DERPC: variants seen among roughly 807,000 people sequenced by gnomAD.
The protein encoded by DERPC is DERPC proline and glycine rich nuclear protein, also known as decreased expression in renal and prostate cancer protein.
Under a neutral mutation model 7.2 loss-of-function variants are expected in DERPC, and 1 was observed. The ratio of observed to expected loss-of-function variants is 0.14; its 90% CI spans 0.05 to 0.66. The LOEUF is 0.66. Among genes scored for constraint, DERPC ranks in the 30% least tolerant of loss-of-function variants. The pLI is 0.84. For missense variants in DERPC, 502 were observed against 299.4 expected, an observed-to-expected ratio of 1.68 and a Z score of -4.99; for synonymous variants, 185 against 117.6, an observed-to-expected ratio of 1.57 and a Z score of -3.71.
intron 1 of DERPC, among the ~76,000 whole-genome samples, chr16:69,126,772 T>G (rs1369859713): frequency 6.6e-6 from 1 of 152,188 alleles, no homozygotes. Context: ...AAATTCTACT[T>G]TAGCACCTTA....
intron 1 of DERPC, among the ~76,000 whole-genome samples, chr16:69,129,683 C>G (rs571255138): frequency 6.6e-6 from 1 of 152,264 alleles, no homozygotes; most frequent in Admixed American, 6.5e-5. Context: ...AACCCTAACC[C>G]CTCCACAATC....
Position 69,119,151 on chromosome 16 carries a change from G to C in DERPC, c.1278C>G (p.Thr426=). The C allele has an allele frequency of 1.4e-6, 1 of 703,040 alleles. No individual in the cohort carries two copies. The highest frequency in any genetic ancestry group is 2.0e-5 in the Admixed American group (1 of 50,030). 43.6% of individuals were successfully genotyped at this position (703,040 alleles called of 1,614,324 possible). A position where few individuals can be genotyped will look rare whatever the true frequency, so the allele number is the denominator to read the frequency against. Residue 426 remains threonine, a synonymous_variant, in exon 3 of 3, where the codon ACC becomes ACG. Transcript: ENST00000519520. The part of the protein sequence containing the change: ...ATGLQGPSPT[T]FPRSTGPLGP... Reference sequence around the variant, plus strand: ...CTAATGGGCCAGTAGACCTTGGGAAGGTAGTTGGACTTGGACCCTGCAGGC... The same window carrying C: ...CTAATGGGCCAGTAGACCTTGGGAACGTAGTTGGACTTGGACCCTGCAGGC...
intron 1 of DERPC, among the ~76,000 whole-genome samples, chr16:69,126,770 C>G (rs1962088791): frequency 1.3e-5 from 2 of 152,156 alleles, no homozygotes; most frequent in African/African-American, 4.8e-5. Context: ...TAAAATTCTA[C>G]TTTAGCACCT....
At chr16:69,128,983 G>A (rs904327823) in intron 1 of DERPC, among the ~76,000 whole-genome samples, 24 of 152,196 alleles carry the variant, frequency 1.6e-4, no homozygotes, top group Admixed American at 1.4e-3. Context: ...AAAATCGCTT[G>A]ATCCTGGGAG....
intron 1 of DERPC, among the ~76,000 whole-genome samples, chr16:69,125,474 C>T (rs1054502168): frequency 6.6e-6 from 1 of 152,156 alleles, no homozygotes; most frequent in African/African-American, 2.4e-5. Context: ...AATCACTACA[C>T]AATTCTGCCT....
intron 1 of DERPC, among the ~76,000 whole-genome samples, chr16:69,122,886 C>T (rs933284498): frequency 6.6e-6 from 1 of 151,860 alleles, no homozygotes; most frequent in Non-Finnish European, 1.5e-5. Context: ...ACCATGTTAG[C>T]CAGGCTGGTC....
chr16:69,120,063 G>C lies in DERPC; in HGVS notation c.366C>G (p.Gly122=), dbSNP rs761382384. The change falls in exon 3 of 3, where the codon GGC becomes GGG. Residue 122 remains glycine (G), a synonymous_variant. Coordinates refer to ENST00000519520, the MANE Select transcript of DERPC (RefSeq NM_001002847.4). This position sits in a 1 kb window ranked among gnomAD's most constrained non-coding sequence, Gnocchi z 4.0. ...GGTTTAGGGTGGGGCCTGGGCCTGG[G>C]CCTGGCCCCAAGAGGCCACCAGGCC... ...FPRPGGLLGP[G]PGPGPTLNPR... 7.2e-6 allele frequency: 5 copies of C among 691,010 alleles called. No homozygotes were observed. In the East Asian group the frequency reaches 8.1e-5, roughly 11 times the overall value. The allele number at this position is 691,010 out of a possible 1,614,324, so 42.8% of individuals were successfully genotyped here. A position where few individuals can be genotyped will look rare whatever the true frequency, so the allele number is the denominator to read the frequency against.
At position 69,120,372 on chromosome 16, in the gene DERPC, C is replaced by G; in HGVS notation, c.57G>C (p.Pro19=). ...RERPTPWTRA[P]LPPRGRLDGS... Reference sequence around the variant, plus strand: ...CGTCGAGCCGTCCTCGAGGTGGCAGCGGAGCACGAGTCCAAGGAGTTGGCC... The same window carrying G: ...CGTCGAGCCGTCCTCGAGGTGGCAGGGGAGCACGAGTCCAAGGAGTTGGCC... The change falls in exon 3 of 3, where the codon CCG becomes CCC. Residue 19 remains proline (P), a synonymous_variant. Coordinates refer to ENST00000519520, the MANE Select transcript of DERPC (RefSeq NM_001002847.4). The surrounding 1 kb of genome is among the most constrained non-coding windows in gnomAD (Gnocchi z 4.0). 1 of 1,570,778 alleles carries G rather than the reference C, an allele frequency of 6.4e-7. No homozygotes were observed.
Position 69,119,201 on chromosome 16 carries a change from G to T in DERPC, c.1228C>A (p.Pro410Thr), listed in dbSNP as rs1215313039. 1.3e-5 allele frequency: 9 copies of T among 703,044 alleles called. No individual in the cohort carries two copies. The highest frequency in any genetic ancestry group is 2.3e-5 in the Non-Finnish European group (9 of 385,014). The allele number at this position is 703,044 out of a possible 1,614,324, so 43.6% of individuals were successfully genotyped here. A position where few individuals can be genotyped will look rare whatever the true frequency, so the allele number is the denominator to read the frequency against. Residue 410 changes from proline (P) to threonine (T), a missense_variant, in exon 3 of 3, where the codon CCA becomes ACA. Physicochemically the swap from Pro to Thr is conservative, Grantham distance 38. Coordinates refer to ENST00000519520, the MANE Select transcript of DERPC (RefSeq NM_001002847.4). The stretch of plus-strand genomic sequence containing the variant: ...CCAGTGGCCCTTGGGAAGTTAGCTG[G>T]GTTGGGGCCAAGTGGCCCAGAGGCT... ...PRASGPLGPN[P>T]ANFPRATGLQ...
Position 69,119,225 on chromosome 16 carries a change from C to T in DERPC, c.1204G>A (p.Ala402Thr), listed in dbSNP as rs1961421829. ...QGSNPTIFPR[A>T]SGPLGPNPAN... ...GGGTTGGGGCCAAGTGGCCCAGAGG[C>T]TCTTGGGAAAATGGTTGGATTTGAG... Residue 402 changes from alanine to threonine, a missense_variant, in exon 3 of 3, where the codon GCC becomes ACC. Transcript: ENST00000519520. 8.5e-6 allele frequency: 6 copies of T among 702,976 alleles called. No individual in the cohort carries two copies. The highest frequency in any genetic ancestry group is 3.0e-5 in the South Asian group (2 of 67,590). The allele number at this position is 702,976 out of a possible 1,614,324, so 43.5% of individuals were successfully genotyped here. A position where few individuals can be genotyped will look rare whatever the true frequency, so the allele number is the denominator to read the frequency against.
chr16:69,119,553 G>C lies in DERPC; in HGVS notation c.876C>G (p.Phe292Leu), dbSNP rs1236156969. ...AGLLGANSASFSQASGNMGTS... is the reference protein window; with the variant it reads ...AGLLGANSASLSQASGNMGTS... ...TGCCCATGTTTCCAGAAGCCTGTGA[G>C]AAAGAAGCTGAATTTGCTCCTAAAA... Residue 292 changes from phenylalanine (F) to leucine (L), a missense_variant, in exon 3 of 3, where the codon TTC becomes TTG. Transcript: ENST00000519520. 4 of 702,792 alleles carry C rather than the reference G, an allele frequency of 5.7e-6. No individual in the cohort carries two copies. Among genetic ancestry groups the C allele is most frequent in the Non-Finnish European group, 1.0e-5 (4 of 384,926 alleles). The allele number at this position is 702,792 out of a possible 1,614,324, so 43.5% of individuals were successfully genotyped here.
chr16:69,127,457 G>C (rs190039211), intron 1 of DERPC, among the ~76,000 whole-genome samples: 157 of 152,172 alleles, frequency 1.0e-3, no homozygotes, highest in Non-Finnish European at 1.7e-3. Context: ...GACGACTAGA[G>C]CAATTTCTAG....
At chr16:69,130,075 T>C (rs528269100) in intron 1 of DERPC, among the ~76,000 whole-genome samples, 2 of 152,364 alleles carry the variant, frequency 1.3e-5, no homozygotes, top group Admixed American at 1.3e-4. Flanking sequence ...TCTTACCCTC[T>C]GGTCTCTGAA....
intron 1 of DERPC, among the ~76,000 whole-genome samples, chr16:69,123,125 T>G (rs1961805234): frequency 6.6e-6 from 1 of 152,088 alleles, no homozygotes; most frequent in Non-Finnish European, 1.5e-5. Context: ...AGCAAAATCA[T>G]AGCTCACTGA....
In DERPC at chr16:69,120,381, A is replaced by T. The variant is rs369546034; in HGVS notation, c.48T>A (p.Thr16=). 3 of 1,590,842 alleles carry T rather than the reference A, an allele frequency of 1.9e-6. No homozygotes were observed. The highest frequency in any genetic ancestry group is 2.6e-6 in the Non-Finnish European group (3 of 1,158,884). The stretch of plus-strand genomic sequence containing the variant: ...GTCCTCGAGGTGGCAGCGGAGCACG[A>T]GTCCAAGGAGTTGGCCGCTCTCTAG... ...IFPRERPTPW[T]RAPLPPRGRL... is the part of the protein sequence containing the mutation. Residue 16 remains threonine (T), a synonymous_variant, in exon 3 of 3, where the codon ACT becomes ACA. Transcript: ENST00000519520. The surrounding 1 kb of genome is among the most constrained non-coding windows in gnomAD (Gnocchi z 4.0).
Position 69,119,416 on chromosome 16 carries a change from G to C in DERPC, c.1013C>G (p.Pro338Arg). Residue 338 changes from proline to arginine, a missense_variant, in exon 3 of 3, where the codon CCT becomes CGT. Pro to Arg is a moderately radical substitution (Grantham distance 103). Coordinates refer to ENST00000519520, the MANE Select transcript of DERPC (RefSeq NM_001002847.4). The part of the protein sequence containing the change: ...GPNPSPMSRA[P>R]GPIGPNSAHF... ...AGCTGAATTAGGGCCTATGGGGCCA[G>C]GAGCCCTTGACATGGGAGATGGATT... 1.4e-6 allele frequency: 1 copy of C among 702,958 alleles called. No individual in the cohort carries two copies. The highest frequency in any genetic ancestry group is 2.6e-6 in the Non-Finnish European group (1 of 384,990). 43.5% of individuals were successfully genotyped at this position (702,958 alleles called of 1,614,324 possible).
chr16:69,119,544 A>T lies in DERPC; in HGVS notation c.885T>A (p.Ala295=), dbSNP rs1438182073. Residue 295 remains alanine, a synonymous_variant, in exon 3 of 3, where the codon GCT becomes GCA. Transcript: ENST00000519520. The stretch of plus-strand genomic sequence containing the variant: ...ATGGGCTTGTGCCCATGTTTCCAGA[A>T]GCCTGTGAGAAAGAAGCTGAATTTG... ...LGANSASFSQ[A]SGNMGTSPSS... 2.8e-6 allele frequency: 2 copies of T among 702,772 alleles called. No homozygotes were observed. Among genetic ancestry groups the T allele is most frequent in the African/African-American group, 3.5e-5 (2 of 57,256 alleles). 43.5% of individuals were successfully genotyped at this position (702,772 alleles called of 1,614,324 possible). A position where few individuals can be genotyped will look rare whatever the true frequency, so the allele number is the denominator to read the frequency against.
chr16:69,121,250 C>A, intron 2 of DERPC, 186 bp downstream of exon 2: 1 of 1,379,308 alleles, frequency 7.3e-7, no homozygotes, highest in Non-Finnish European at 1.0e-6. Flanking sequence ...ATTTGAGGCC[C>A]AAAGGACCTC....
intron 1 of DERPC, among the ~76,000 whole-genome samples, chr16:69,124,423 A>T (rs1208228369): frequency 1.3e-5 from 2 of 149,968 alleles, no homozygotes; most frequent in African/African-American, 2.4e-5. Flanking sequence ...TGTTAAACAG[A>T]TTTTTTTTTT....
Sources: gnomAD v4.1 joint callset for allele counts (sites outside exome capture counted in the v4.1 genomes callset) on GRCh38, gnomAD v4.1.1 for gene constraint, Gnocchi (gnomAD v3.1) non-coding constraint, MANE v1.5 for transcripts, NCBI Gene and HGNC (gene_info 2026-07-23, HGNC 2026-07-21) for gene names.